Variants in FUT9 observed in about 807,000 individuals in gnomAD.
FUT9 encodes 4-galactosyl-N-acetylglucosaminide 3-alpha-L-fucosyltransferase 9.
Under a neutral mutation model 29.7 loss-of-function variants are expected in FUT9, and 15 were observed. The ratio of observed to expected loss-of-function variants is 0.51; its 90% CI spans 0.34 to 0.78. The LOEUF is 0.78. Among genes scored for constraint, FUT9 ranks in the 30% least tolerant of loss-of-function variants. The probability of loss-of-function intolerance (pLI) is 0.01; values close to 1 mark genes in which losing one functional copy is unlikely to be tolerated. For synonymous variants in FUT9, 169 were observed against 153.7 expected (o/e 1.10, Z -0.74); for missense variants, 319 against 425.4 (o/e 0.75, Z 2.20).
In FUT9 at chr6:96,071,432, T is replaced by C. The variant is rs573786233; in HGVS notation, c.-97-42607T>C. 9.8e-5 allele frequency among the ~76,000 whole-genome samples: 15 copies of C among 152,358 alleles called. No individual in the cohort carries two copies. The South Asian group carries it at 3.1e-3, about 32-fold the overall frequency. On this transcript the variant is annotated intron_variant, in intron 1 of 2. Transcript: ENST00000302103. ...AAAATTAAGAATTTATAACAATGTT[T>C]ACACATTTGCCCAGATATAATAACT...
At chr6:96,020,348 T>C (rs929090000) in intron 1 of FUT9, among the ~76,000 whole-genome samples, 1 of 152,090 alleles carries the variant, frequency 6.6e-6, no homozygotes, top group African/African-American at 2.4e-5. Flanking sequence ...GCACTTACAG[T>C]TTCATCTCCA....
chr6:96,152,369 A>G (rs2127977107), intron 2 of FUT9, among the ~76,000 whole-genome samples: 1 of 152,272 alleles, frequency 6.6e-6, no homozygotes, highest in South Asian at 2.1e-4. Flanking sequence ...TGTCTTCTAG[A>G]GTACCCCTCA....
At chr6:96,091,305 A>T (rs1158917924) in intron 1 of FUT9, among the ~76,000 whole-genome samples, 1 of 152,132 alleles carries the variant, frequency 6.6e-6, no homozygotes, top group African/African-American at 2.4e-5. Context: ...ATTTTACAAA[A>T]TAAATTAGAA....
chr6:96,038,351 T>G (rs902967390), intron 1 of FUT9, among the ~76,000 whole-genome samples: 25 of 152,146 alleles, frequency 1.6e-4, no homozygotes, highest in Non-Finnish European at 3.4e-4. Context: ...TGAGGCCATC[T>G]CAGGCTTCTA....
At chr6:96,033,088 G>T (rs17055922) in intron 1 of FUT9, among the ~76,000 whole-genome samples, 6,580 of 151,468 alleles carry the variant, frequency 0.043, 370 homozygotes, top group African/African-American at 0.13. Context: ...TACAATGAGA[G>T]TTGAAATTCT....
At chr6:96,129,143 T>C (rs578243869) in intron 2 of FUT9, among the ~76,000 whole-genome samples, 2 of 150,172 alleles carry the variant, frequency 1.3e-5, no homozygotes, top group African/African-American at 2.4e-5. Flanking sequence ...CGGGCGCCTG[T>C]AGTCCCAGCT....
At chr6:96,081,180 AAT>A (rs1211781129) in intron 1 of FUT9, among the ~76,000 whole-genome samples, 1 of 151,926 alleles carries the variant, frequency 6.6e-6, no homozygotes, top group Non-Finnish European at 1.5e-5. Context: ...TTTTTCAATG[AAT>A]ATTTAACATC....
intron 1 of FUT9, among the ~76,000 whole-genome samples, chr6:96,088,062 T>C (rs1010614212): frequency 2.6e-5 from 4 of 152,158 alleles, no homozygotes; most frequent in African/African-American, 9.7e-5. Context: ...ATGAGAAATA[T>C]GCTGTCATTC....
Position 96,203,722 on chromosome 6 carries a change from G to C in FUT9, c.567G>C (p.Val189=). 6.2e-7 allele frequency: 1 copy of C among 1,614,052 alleles called. No homozygotes were observed. The highest frequency in any genetic ancestry group is 8.5e-7 in the Non-Finnish European group (1 of 1,180,014). Residue 189 remains valine, a synonymous_variant, in exon 3 of 3, where the codon GTG becomes GTC. Coordinates refer to ENST00000302103, the MANE Select transcript of FUT9 (RefSeq NM_006581.4). ...VFEVPSKEKL[V]CWVVSNWNPE... The stretch of plus-strand genomic sequence containing the variant: ...AAGTGCCAAGCAAAGAGAAATTGGT[G>C]TGCTGGGTTGTGAGTAACTGGAACC...
chr6:96,171,260 A>G (rs1339502793), intron 2 of FUT9, among the ~76,000 whole-genome samples: 1 of 152,190 alleles, frequency 6.6e-6, no homozygotes, highest in Non-Finnish European at 1.5e-5. Flanking sequence ...CCGCATTTGG[A>G]TGAGAGTGAC....
At chr6:96,031,022 G>T (rs1770251373) in intron 1 of FUT9, among the ~76,000 whole-genome samples, 1 of 151,396 alleles carries the variant, frequency 6.6e-6, no homozygotes, top group African/African-American at 2.4e-5. Context: ...TGGTTTGTAG[G>T]CCTTTGTCAA....
intron 2 of FUT9, among the ~76,000 whole-genome samples, chr6:96,195,006 G>A (rs1773596913): frequency 6.6e-6 from 1 of 152,144 alleles, no homozygotes; most frequent in Non-Finnish European, 1.5e-5. Flanking sequence ...TAGTGATTGA[G>A]TAGAGAGGAG....
intron 2 of FUT9, among the ~76,000 whole-genome samples, chr6:96,148,971 A>G (rs1187324520): frequency 1.3e-5 from 2 of 151,992 alleles, no homozygotes; most frequent in African/African-American, 2.4e-5. Context: ...CTTGGCCAAT[A>G]TGGTGAAACC....
intron 1 of FUT9, among the ~76,000 whole-genome samples, chr6:96,101,270 G>A (rs1381232693): frequency 6.6e-6 from 1 of 152,184 alleles, no homozygotes; most frequent in Non-Finnish European, 1.5e-5. Context: ...CAGGTGCGGT[G>A]GCTCATGCCC....
At position 96,201,946 on chromosome 6, in the gene FUT9, A is replaced by G. The variant is rs4840244; in HGVS notation, c.-8-1202A>G. Among the ~76,000 whole-genome samples, 1,118 of 151,904 alleles carry G rather than the reference A, an allele frequency of 7.4e-3. 49 individuals carry two copies. The highest frequency in any genetic ancestry group is 0.068 in the Admixed American group (1,031 of 15,180). ...AGAAGGTGCTTTTTTTAATGTTCACATATATTTAGGTAATTAAATGAAGGA... is the reference window on the plus strand; with the variant it reads ...AGAAGGTGCTTTTTTTAATGTTCACGTATATTTAGGTAATTAAATGAAGGA... On this transcript the variant is annotated intron_variant, in intron 2 of 2. Coordinates refer to ENST00000302103, the MANE Select transcript of FUT9 (RefSeq NM_006581.4).
At chr6:96,019,111 A>G (rs1404783775) in intron 1 of FUT9, among the ~76,000 whole-genome samples, 1 of 152,022 alleles carries the variant, frequency 6.6e-6, no homozygotes, top group Non-Finnish European at 1.5e-5. Flanking sequence ...AAATCTGAGC[A>G]TCAGAGGCAA....
chr6:96,188,789 A>T (rs1315479881), intron 2 of FUT9, among the ~76,000 whole-genome samples: 1 of 151,702 alleles, frequency 6.6e-6, no homozygotes, highest in East Asian at 1.9e-4. Context: ...TTTATATAAA[A>T]ATCTTAGTCT....
At chr6:96,109,330 A>G (rs1233930636) in intron 1 of FUT9, among the ~76,000 whole-genome samples, 1 of 152,178 alleles carries the variant, frequency 6.6e-6, no homozygotes, top group African/African-American at 2.4e-5. Flanking sequence ...TTATATTTAT[A>G]GATTGTATAG....
intron 2 of FUT9, among the ~76,000 whole-genome samples, chr6:96,139,993 T>C (rs1772432370): frequency 6.6e-6 from 1 of 152,234 alleles, no homozygotes; most frequent in Admixed American, 6.5e-5. Flanking sequence ...AAAATGGGGT[T>C]TTCTTTTCTA....
Sources: allele counts gnomAD v4.1 joint callset (sites outside exome capture counted in the v4.1 genomes callset), GRCh38; gene constraint gnomAD v4.1.1; transcripts MANE v1.5; gene names NCBI Gene and HGNC (gene_info 2026-07-23, HGNC 2026-07-21).